MSH6: variants seen among roughly 807,000 people sequenced by gnomAD.
MSH6 encodes mutS homolog 6, also known as DNA mismatch repair protein Msh6.
In MSH6, 85 loss-of-function variants were observed where a neutral mutation model predicts 119.1. That is an observed-to-expected ratio of 0.71 (90% CI 0.60 to 0.85). The LOEUF (loss-of-function observed/expected upper bound fraction) is 0.85, where lower values mean the gene tolerates loss of function less well. Ranked by LOEUF, MSH6 falls within the 40% of genes least tolerant of loss-of-function variation. The pLI is 0.00. For synonymous variants in MSH6, 830 were observed against 586.9 expected, an observed-to-expected ratio of 1.41 and a Z score of -5.99; for missense variants, 2,163 against 1,655.3, an observed-to-expected ratio of 1.31 and a Z score of -5.32.
In MSH6 at chr2:47,805,567, G is replaced by A; in HGVS notation, c.3557-51G>A. 4.2e-6 allele frequency: 5 copies of A among 1,183,948 alleles called. No homozygotes were observed. The Admixed American group carries it at 5.1e-5, about 12-fold the overall frequency. 73.3% of individuals were successfully genotyped at this position (1,183,948 alleles called of 1,614,324 possible). ...TATATAACCTAGAAGATGAATTTAT[G>A]TAATATGATTTGCAAAATGAGTATT... On this transcript the variant is annotated intron_variant, in intron 6 of 9. Transcript: ENST00000234420.
chr2:47,798,594 CTT>C lies in MSH6; in HGVS notation c.628-15_628-14del, dbSNP rs750708406. The C allele has an allele frequency of 1.9e-6, 3 of 1,606,224 alleles. No homozygotes were observed. Among genetic ancestry groups the C allele is most frequent in the Non-Finnish European group, 2.5e-6 (3 of 1,179,732 alleles). On this transcript the variant is annotated splice_polypyrimidine_tract_variant and intron_variant, in intron 3 of 9. Transcript: ENST00000234420. ...AAATTTTGATTTGTTTTTAAATACT[CTT>C]TCCTTGCCTGGCAGGTAGGCACAAC... is the stretch of plus-strand genomic sequence containing the variant.
intron 1 of MSH6, among the ~76,000 whole-genome samples, chr2:47,788,246 C>CTTTTTTTTTTTTTTTTTTTTTTTTT (rs560110301): frequency 2.2e-5 from 2 of 90,052 alleles, no homozygotes; most frequent in African/African-American, 4.8e-5. Context: ...TTCTTTCTTT[C>CTTTTTTTTTTTTTTTTTTTTTTTTT]TTTTTTTTTT....
chr2:47,801,351 C>A, intron 4 of MSH6, 196 bp downstream of exon 4: 3 of 212,550 alleles, frequency 1.4e-5, no homozygotes, highest in Non-Finnish European at 1.7e-5. Context: ...AGCCCTTTGG[C>A]CTTTCTTCAG....
chr2:47,803,207 C>T (rs987507882), intron 4 of MSH6, among the ~76,000 whole-genome samples: 20 of 152,158 alleles, frequency 1.3e-4, no homozygotes, highest in South Asian at 4.1e-4. Context: ...CGTGAGCCAC[C>T]GTGCCTGGCC....
rs959068333 is a variant in MSH6 at position 47,806,786 on chromosome 2, T to TGCCTGGCTA, written c.4011_4019dup (p.Leu1338_Ser1340dup). On this transcript the variant is annotated inframe_insertion, in exon 10 of 10. Coordinates refer to ENST00000234420, the MANE Select transcript of MSH6 (RefSeq NM_000179.3). ...TTTTTTTTTAATTTTAAGGGAAGTT[T>TGCCTGGCTA]GCCTGGCTAGTGAAAGGTCAACTGT... The TGCCTGGCTA allele has an allele frequency of 1.2e-6, 2 of 1,605,366 alleles. No individual in the cohort carries two copies. Among genetic ancestry groups the TGCCTGGCTA allele is most frequent in the African/African-American group, 2.7e-5 (2 of 74,154 alleles).
Position 47,799,479 on chromosome 2 carries a change from T to C in MSH6, c.1496T>C (p.Met499Thr), listed in dbSNP as rs1572723206. ...PEMMEARCRK[M>T]AHISKYDRVV... ...ATGATGGAGGCACGATGTAGAAAGA[T>C]GGCACATATATCCAAGTATGATAGA... Residue 499 changes from methionine (M) to threonine (T), a missense_variant, in exon 4 of 10, where the codon ATG (methionine) becomes ACG (threonine). Coordinates refer to ENST00000234420, the MANE Select transcript of MSH6 (RefSeq NM_000179.3). The C allele has an allele frequency of 1.2e-6, 2 of 1,614,110 alleles. No individual in the cohort carries two copies. Among genetic ancestry groups the C allele is most frequent in the Non-Finnish European group, 1.7e-6 (2 of 1,180,016 alleles).
rs751867550 is a variant in MSH6, at chr2:47,800,090, A to G, written c.2107A>G (p.Met703Val). ...CCTTATTGATCAGGAGCTTTTATCA[A>G]TGGCTAATTTTGAAGAATATATTCC... ...KCLIDQELLSMANFEEYIPLD... is the reference protein window; with the variant it reads ...KCLIDQELLSVANFEEYIPLD... The change falls in exon 4 of 10, where the codon ATG becomes GTG. Residue 703 changes from methionine (M) to valine (V), a missense_variant. Met to Val is a conservative substitution (Grantham distance 21). Transcript: ENST00000234420. 49 of 1,614,076 alleles carry G rather than the reference A, an allele frequency of 3.0e-5. No homozygotes were observed. The highest frequency in any genetic ancestry group is 4.0e-5 in the Non-Finnish European group (47 of 1,180,040).
In MSH6 at chr2:47,799,682, A is replaced by T. The variant is rs1669363053; in HGVS notation, c.1699A>T (p.Lys567Ter). The T allele has an allele frequency of 6.2e-7, 1 of 1,614,178 alleles. No individual in the cohort carries two copies. The highest frequency in any genetic ancestry group is 1.3e-5 in the African/African-American group (1 of 75,036). Residue 567 changes from lysine to a stop codon, truncating the protein, a stop_gained, in exon 4 of 10, where the codon AAG becomes TAG. Coordinates refer to ENST00000234420, the MANE Select transcript of MSH6 (RefSeq NM_000179.3). LOFTEE classifies it high-confidence loss of function. ...GVCFVDTSLGKFFIGQFSDDR... is the reference protein window; with the variant it reads ...GVCFVDTSLG ...GTGCTTTGTTGATACTTCACTGGGAAAGTTTTTCATAGGTCAGTTTTCAGA... is the reference window on the plus strand; with the variant it reads ...GTGCTTTGTTGATACTTCACTGGGATAGTTTTTCATAGGTCAGTTTTCAGA...
chr2:47,786,552 G>A (rs936074175), intron 1 of MSH6, among the ~76,000 whole-genome samples: 5 of 151,798 alleles, frequency 3.3e-5, no homozygotes, highest in African/African-American at 9.7e-5. Context: ...CAGGCCAGTC[G>A]TGAACTCCTG....
At chr2:47,785,483 G>T (rs1239166412) in intron 1 of MSH6, among the ~76,000 whole-genome samples, 2 of 152,118 alleles carry the variant, frequency 1.3e-5, no homozygotes, top group Non-Finnish European at 2.9e-5. Context: ...CTCCCAAAGT[G>T]CTGGGATTAC....
intron 5 of MSH6, 25 bp from the exon 6 acceptor site, chr2:47,804,885 A>G: frequency 6.4e-7 from 1 of 1,556,776 alleles, no homozygotes. Context: ...CAGTCATAAA[A>G]GACCTTTTCC....
rs539908486 is a variant in MSH6 at position 47,804,412 on chromosome 2, GC to G, written c.3439-497del. ...TAGTAGTAGTTGGCTGGTCCCCGCT[GC>G]TCTCCTGCATTATAGTATACTTCTG... On this transcript the variant is annotated intron_variant, in intron 5 of 9. Transcript: ENST00000234420. Among the ~76,000 whole-genome samples the G allele has an allele frequency of 9.3e-4, 142 of 152,246 alleles. 1 individual carries two copies. Among genetic ancestry groups the G allele is most frequent in the Admixed American group, 8.8e-3 (134 of 15,290 alleles).
chr2:47,783,426 T>A lies in MSH6; in HGVS notation c.193T>A (p.Ser65Thr), dbSNP rs1553408350. 1.3e-6 allele frequency: 2 copies of A among 1,506,980 alleles called. No individual in the cohort carries two copies. Among genetic ancestry groups the A allele is most frequent in the South Asian group, 1.3e-5 (1 of 78,506 alleles). The allele number at this position is 1,506,980 out of a possible 1,614,324, so 93.4% of individuals were successfully genotyped here. A position where few individuals can be genotyped will look rare whatever the true frequency, so the allele number is the denominator to read the frequency against. ...GCCCAGGCCCTTGGCGCGCTCCGCGTCACCGCCCAAGGCGAAGAACCTCAA... is the reference window on the plus strand; with the variant it reads ...GCCCAGGCCCTTGGCGCGCTCCGCGACACCGCCCAAGGCGAAGAACCTCAA... ...PGPRPLARSASPPKAKNLNGG... is the reference protein window; with the variant it reads ...PGPRPLARSATPPKAKNLNGG... Residue 65 changes from serine (S) to threonine (T), a missense_variant, in exon 1 of 10, where the codon TCA (serine) becomes ACA (threonine). Transcript: ENST00000234420.
At position 47,806,898 on chromosome 2, in the gene MSH6, A is replaced by G; in HGVS notation, c.*38A>G. On this transcript the variant is annotated 3_prime_UTR_variant, in exon 10 of 10. Transcript: ENST00000234420. ...GGAAGCTTTGAGTTGACTTCTGACA[A>G]AGGTGGTAAATTCAGACAACATTAT... is the stretch of plus-strand genomic sequence containing the variant. 6.9e-7 allele frequency: 1 copy of G among 1,442,864 alleles called. No individual in the cohort carries two copies. Among genetic ancestry groups the G allele is most frequent in the Non-Finnish European group, 9.8e-7 (1 of 1,025,532 alleles). 89.4% of individuals were successfully genotyped at this position (1,442,864 alleles called of 1,614,324 possible).
At position 47,795,957 on chromosome 2, in the gene MSH6, G is replaced by A. The variant is rs863224629; in HGVS notation, c.521G>A (p.Arg174Lys). The change falls in exon 3 of 10, where the codon AGA (arginine) becomes AAA (lysine). Residue 174 changes from arginine to lysine, a missense_variant. Arg to Lys is a conservative substitution (Grantham distance 26). Coordinates refer to ENST00000234420, the MANE Select transcript of MSH6 (RefSeq NM_000179.3). Reference protein sequence around the residue: ...HFYSAKPEILRAMQRADEALN... With the variant: ...HFYSAKPEILKAMQRADEALN... ...TACAGTGCAAAGCCTGAAATACTGA[G>A]AGCAATGCAACGTGCAGATGAAGCC... 4 of 1,614,010 alleles carry A rather than the reference G, an allele frequency of 2.5e-6. No individual in the cohort carries two copies. Among genetic ancestry groups the A allele is most frequent in the Non-Finnish European group, 3.4e-6 (4 of 1,180,026 alleles).
At chr2:47,804,289 A>T (rs893770174) in intron 5 of MSH6, among the ~76,000 whole-genome samples, 3 of 152,088 alleles carry the variant, frequency 2.0e-5, no homozygotes, top group Non-Finnish European at 2.9e-5. Context: ...TTTTAAAAAA[A>T]TTTTTTATGG....
intron 1 of MSH6, among the ~76,000 whole-genome samples, chr2:47,788,934 T>TTTTTTTTTTTTTTTTTTTTTTTTTTTG (rs1668554089): frequency 2.0e-5 from 2 of 99,650 alleles, no homozygotes; most frequent in Non-Finnish European, 3.9e-5. Context: ...TTTTTTTTTT[T>TTTTTTTTTTTTTTTTTTTTTTTTTTTG]TTTTTTTTTT....
At chr2:47,801,361 G>GTCTTTTTTTTTTTTT (rs1669576462) in intron 4 of MSH6, 1 of 84,400 alleles carries the variant, frequency 1.2e-5, no homozygotes, top group Non-Finnish European at 2.0e-5. Context: ...CCTTTCTTCA[G>GTCTTTTTTTTTTTTT]TTTTTTTTTT....
At chr2:47,787,760 G>A (rs1243657566) in intron 1 of MSH6, among the ~76,000 whole-genome samples, 3 of 152,044 alleles carry the variant, frequency 2.0e-5, no homozygotes, top group Non-Finnish European at 4.4e-5. Context: ...GGGACCCCAA[G>A]TGCACACCAC....
Sources: allele counts gnomAD v4.1 joint callset (sites outside exome capture counted in the v4.1 genomes callset), GRCh38; gene constraint gnomAD v4.1.1; transcripts MANE v1.5; gene names NCBI Gene and HGNC (gene_info 2026-07-23, HGNC 2026-07-21).